The following SMARCA2 variants were observed in gnomAD, a reference collection of about 807,000 sequenced individuals.
SMARCA2 encodes SWI/SNF related BAF chromatin remodeling complex subunit ATPase 2.
In SMARCA2, 61 loss-of-function variants were observed where a neutral mutation model predicts 199.8. The observed-to-expected ratio is 0.31, with a 90% CI of 0.25 to 0.38. The LOEUF is 0.38. Among genes scored for constraint, SMARCA2 ranks in the 10% least tolerant of loss-of-function variants. SMARCA2 has a pLI of 1.00. For missense variants in SMARCA2, 1,344 were observed against 2,012.2 expected, an observed-to-expected ratio of 0.67 and a Z score of 6.35; for synonymous variants, 935 against 732.0, an observed-to-expected ratio of 1.28 and a Z score of -4.48.
At chr9:2,092,004 C>A (rs939652524) in intron 19 of SMARCA2, among the ~76,000 whole-genome samples, 1 of 152,132 alleles carries the variant, frequency 6.6e-6, no homozygotes, top group Non-Finnish European at 1.5e-5. Flanking sequence ...ATACCCACCC[C>A]CCAACCACCA....
intron 9 of SMARCA2, among the ~76,000 whole-genome samples, chr9:2,064,048 A>G (rs975323135): frequency 3.3e-5 from 5 of 152,178 alleles, no homozygotes; most frequent in Admixed American, 2.0e-4. Context: ...GTTATACGAA[A>G]CTAATTTCTT....
intron 1 of SMARCA2, among the ~76,000 whole-genome samples, chr9:2,018,539 G>A (rs1484983246): frequency 6.6e-6 from 1 of 152,200 alleles, no homozygotes; most frequent in Non-Finnish European, 1.5e-5. Flanking sequence ...ACAGTTTGTT[G>A]ACTGCACTGA....
At chr9:2,079,171 C>T (rs181943439) in intron 14 of SMARCA2, among the ~76,000 whole-genome samples, 17 of 152,250 alleles carry the variant, frequency 1.1e-4, no homozygotes, top group South Asian at 4.1e-4. Context: ...TTCACATGCC[C>T]GTCAGCACAC....
chr9:2,118,679 C>T (rs1823323677), intron 25 of SMARCA2, among the ~76,000 whole-genome samples: 1 of 152,100 alleles, frequency 6.6e-6, no homozygotes, highest in African/African-American at 2.4e-5. Context: ...GGAAGTCATC[C>T]TATAACATTG....
chr9:2,067,443 T>A (rs1820893154), intron 9 of SMARCA2, among the ~76,000 whole-genome samples: 1 of 152,210 alleles, frequency 6.6e-6, no homozygotes, highest in African/African-American at 2.4e-5. Context: ...ACAGCCAGTC[T>A]TAATTATAGA....
chr9:2,110,127 G>C lies in SMARCA2; in HGVS notation c.3293-127G>C. 1.7e-6 allele frequency: 1 copy of C among 595,978 alleles called. No homozygotes were observed. Among genetic ancestry groups the C allele is most frequent in the East Asian group, 3.1e-5 (1 of 32,598 alleles). 36.9% of individuals were successfully genotyped at this position (595,978 alleles called of 1,614,324 possible). ...TTTTATCCAGAAGTACAAAGCCCTG[G>C]AAATTACCTCACCAGTGTTAGGAGG... On this transcript the variant is annotated intron_variant, in intron 23 of 33. Coordinates refer to ENST00000349721, the MANE Select transcript of SMARCA2 (RefSeq NM_003070.5). This position sits in a 1 kb window ranked among gnomAD's most constrained non-coding sequence, Gnocchi z 4.8.
chr9:2,177,706 C>T (rs1295893105), intron 29 of SMARCA2, among the ~76,000 whole-genome samples: 1 of 151,918 alleles, frequency 6.6e-6, no homozygotes, highest in African/African-American at 2.4e-5. Context: ...GCATGCGCCA[C>T]CACACCCAGC....
chr9:2,122,622 G>T (rs1823514584), intron 26 of SMARCA2, among the ~76,000 whole-genome samples: 1 of 152,160 alleles, frequency 6.6e-6, no homozygotes, highest in Non-Finnish European at 1.5e-5. Flanking sequence ...AAAGAGCTTT[G>T]ACCACTAATT....
At position 2,141,417 on chromosome 9, in the gene SMARCA2, C is replaced by T. The variant is rs186720641; in HGVS notation, c.3981+17480C>T. Among the ~76,000 whole-genome samples the T allele has an allele frequency of 7.9e-4, 121 of 152,262 alleles. 1 individual carries two copies. The highest frequency in any genetic ancestry group is 1.3e-3 in the Non-Finnish European group (87 of 68,016). On this transcript the variant is annotated intron_variant, in intron 27 of 33. Transcript: ENST00000349721. ...AATGTTGAATGTAGAGTTTTACCTT[C>T]TTTCATATATTGAAGATGCACATCT... is the stretch of plus-strand genomic sequence containing the variant.
At chr9:2,135,372 A>G (rs1824148034) in intron 27 of SMARCA2, among the ~76,000 whole-genome samples, 1 of 152,190 alleles carries the variant, frequency 6.6e-6, no homozygotes, top group African/African-American at 2.4e-5. Context: ...ACAACCTTAC[A>G]GACACATCAC....
chr9:2,108,820 A>G (rs1056878296), intron 23 of SMARCA2, among the ~76,000 whole-genome samples: 1 of 152,236 alleles, frequency 6.6e-6, no homozygotes, highest in Non-Finnish European at 1.5e-5. Context: ...CTCACTCATC[A>G]AAGCATGTTT....
Position 2,169,101 on chromosome 9 carries a change from C to T in SMARCA2, c.4200-1318C>T, listed in dbSNP as rs1222138572. Among the ~76,000 whole-genome samples the T allele has an allele frequency of 1.3e-5, 2 of 152,114 alleles. No individual in the cohort carries two copies. The highest frequency in any genetic ancestry group is 2.9e-5 in the Non-Finnish European group (2 of 68,018). On this transcript the variant is annotated intron_variant, in intron 28 of 33. Coordinates refer to ENST00000349721, the MANE Select transcript of SMARCA2 (RefSeq NM_003070.5). This position sits in a 1 kb window ranked among gnomAD's most constrained non-coding sequence, Gnocchi z 6.5. ...TAATGAAGACTTTCCCAATTCTGTGCCTTATTGCTGACACTCAGAGTCCCC... is the reference window on the plus strand; with the variant it reads ...TAATGAAGACTTTCCCAATTCTGTGTCTTATTGCTGACACTCAGAGTCCCC...
chr9:2,101,373 G>C lies in SMARCA2; in HGVS notation c.3079-197G>C, dbSNP rs115794683. ...TCTAGAGACTAGAAGAAACTCACAG[G>C]ATACTTTTCTGATGGAACAAAAGTC... On this transcript the variant is annotated intron_variant, in intron 21 of 33. Transcript: ENST00000349721. Among the ~76,000 whole-genome samples the C allele has an allele frequency of 7.2e-3, 1,096 of 152,162 alleles. 13 individuals are homozygous for C. The highest frequency in any genetic ancestry group is 0.025 in the African/African-American group (1,037 of 41,500).
chr9:2,103,906 G>A, intron 22 of SMARCA2, 97 bp from the exon 23 acceptor site: 10 of 899,668 alleles, frequency 1.1e-5, no homozygotes, highest in Non-Finnish European at 1.7e-5. Context: ...AATGTTTACA[G>A]TGTACAAAGG....
chr9:2,148,329 A>T (rs1586755577), intron 27 of SMARCA2, among the ~76,000 whole-genome samples: 1 of 151,760 alleles, frequency 6.6e-6, no homozygotes, highest in East Asian at 1.9e-4. Flanking sequence ...GGCCTAGACA[A>T]GGAAGGTCTG....
chr9:2,077,830 T>C, intron 14 of SMARCA2, 54 bp downstream of exon 14: 1 of 1,516,626 alleles, frequency 6.6e-7, no homozygotes, highest in Non-Finnish European at 9.0e-7. Context: ...TACCTAATTT[T>C]GATTGAAGTA....
At chr9:2,090,495 A>G (rs923719329) in intron 19 of SMARCA2, among the ~76,000 whole-genome samples, 6 of 152,146 alleles carry the variant, frequency 3.9e-5, no homozygotes, top group Non-Finnish European at 7.4e-5. Flanking sequence ...TCTAACCTAA[A>G]TGGGTCTTAG....
chr9:2,069,490 C>A (rs1046106107), intron 9 of SMARCA2, among the ~76,000 whole-genome samples: 5 of 150,188 alleles, frequency 3.3e-5, no homozygotes, highest in Non-Finnish European at 5.9e-5. Flanking sequence ...ACACGGGAGG[C>A]GGAGCTTGCA....
At chr9:2,090,812 T>C (rs571211873) in intron 19 of SMARCA2, among the ~76,000 whole-genome samples, 2 of 152,292 alleles carry the variant, frequency 1.3e-5, no homozygotes, top group Non-Finnish European at 2.9e-5. Flanking sequence ...GTTGTTGATA[T>C]GGCTGGGCTG....
Sources: gnomAD v4.1 joint callset for allele counts (sites outside exome capture counted in the v4.1 genomes callset) on GRCh38, gnomAD v4.1.1 for gene constraint, Gnocchi (gnomAD v3.1) non-coding constraint, MANE v1.5 for transcripts, NCBI Gene and HGNC (gene_info 2026-07-23, HGNC 2026-07-21) for gene names.